Variants in FOXN2 observed in about 807,000 individuals in gnomAD.
The protein encoded by FOXN2 is forkhead box N2.
FOXN2 carries 19 observed loss-of-function variants against 41.2 expected under a neutral mutation model. That is an observed-to-expected ratio of 0.46 (90% CI 0.32 to 0.68). FOXN2 has a LOEUF of 0.68. Ranked by LOEUF, FOXN2 falls within the 30% of genes least tolerant of loss-of-function variation. FOXN2 has a pLI of 0.03. For synonymous variants in FOXN2, 195 were observed against 176.8 expected, an observed-to-expected ratio of 1.10 and a Z score of -0.82; for missense variants, 587 against 509.4, an observed-to-expected ratio of 1.15 and a Z score of -1.47.
intron 2 of FOXN2, among the ~76,000 whole-genome samples, chr2:48,339,559 C>T (rs1219703538): frequency 2.0e-5 from 3 of 152,166 alleles, no homozygotes; most frequent in Non-Finnish European, 4.4e-5. Context: ...TACCCAGTCT[C>T]GGATATGTCC....
chr2:48,359,268 TTATTTAG>T, intron 4 of FOXN2, 121 bp downstream of exon 4: 1 of 715,154 alleles, frequency 1.4e-6, no homozygotes, highest in Admixed American at 3.2e-5. Flanking sequence ...TATTTATGTT[TTATTTAG>T]TTTTTAGTTT....
rs545797179 is a variant in FOXN2, at chr2:48,319,785, ATTTTTTTTTT to A, written c.-157+4988_-157+4997del. On this transcript the variant is annotated intron_variant, in intron 1 of 6. Coordinates refer to ENST00000340553, the MANE Select transcript of FOXN2 (RefSeq NM_002158.4). ...TCCACCACCCCTGGCTAATTTTTTA[ATTTTTTTTTT>A]TTTTTTTTTTTTTTTTGGTAGAGGG... 3.1e-4 allele frequency among the ~76,000 whole-genome samples: 31 copies of A among 98,754 alleles called. No homozygotes were observed. The South Asian group carries it at 3.3e-3, about 10-fold the overall frequency. The allele number at this position is 98,754 out of a possible 152,430, so 64.8% of individuals were successfully genotyped here. A position where few individuals can be genotyped will look rare whatever the true frequency, so the allele number is the denominator to read the frequency against.
intron 5 of FOXN2, among the ~76,000 whole-genome samples, chr2:48,371,707 A>G (rs553210961): frequency 6.6e-6 from 1 of 152,280 alleles, no homozygotes; most frequent in African/African-American, 2.4e-5. Context: ...CATTTTAACA[A>G]TACTAATTTT....
intron 5 of FOXN2, among the ~76,000 whole-genome samples, chr2:48,362,945 T>C (rs947274685): frequency 2.0e-5 from 3 of 152,242 alleles, no homozygotes; most frequent in African/African-American, 4.8e-5. Context: ...CACGTAGTTA[T>C]GTACATATGT....
At chr2:48,322,258 T>C (rs2104102517) in intron 1 of FOXN2, among the ~76,000 whole-genome samples, 1 of 152,288 alleles carries the variant, frequency 6.6e-6, no homozygotes, top group African/African-American at 2.4e-5. Context: ...TAGAGGTAGA[T>C]TTAAATTAAT....
intron 1 of FOXN2, among the ~76,000 whole-genome samples, chr2:48,323,902 A>G (rs1343824445): frequency 6.6e-6 from 1 of 152,076 alleles, no homozygotes; most frequent in Non-Finnish European, 1.5e-5. Flanking sequence ...ATTTTTGTAT[A>G]TGGTGAGAGA....
chr2:48,328,019 A>C (rs1669794713), intron 1 of FOXN2, among the ~76,000 whole-genome samples: 2 of 152,190 alleles, frequency 1.3e-5, no homozygotes, highest in African/African-American at 4.8e-5. Context: ...TCTGATCATG[A>C]ATATACTTTT....
At chr2:48,351,044 C>T (rs983848121) in intron 3 of FOXN2, among the ~76,000 whole-genome samples, 1 of 148,612 alleles carries the variant, frequency 6.7e-6, no homozygotes, top group African/African-American at 2.5e-5. Context: ...CGGCCCACTG[C>T]AACCTCCGAG....
Position 48,346,426 on chromosome 2 carries a change from A to G in FOXN2, c.212A>G (p.Asn71Ser), listed in dbSNP as rs779186160. ...CATGAAAGCACTAATCTTCTAACAA[A>G]CTTCAGCCTCGGAAGTGAGGGTCTT... is the stretch of plus-strand genomic sequence containing the variant. Reference protein sequence around the residue: ...WLHESTNLLTNFSLGSEGLPI... With the variant: ...WLHESTNLLTSFSLGSEGLPI... The change falls in exon 3 of 7, where the codon AAC becomes AGC. Residue 71 changes from asparagine to serine, a missense_variant. Physicochemically the swap from Asn to Ser is conservative, Grantham distance 46. Coordinates refer to ENST00000340553, the MANE Select transcript of FOXN2 (RefSeq NM_002158.4). The G allele has an allele frequency of 1.2e-6, 2 of 1,614,110 alleles. No homozygotes were observed. The highest frequency in any genetic ancestry group is 1.1e-5 in the South Asian group (1 of 91,086).
intron 5 of FOXN2, among the ~76,000 whole-genome samples, chr2:48,368,243 T>C (rs1672654553): frequency 6.8e-6 from 1 of 147,142 alleles, no homozygotes; most frequent in Non-Finnish European, 1.5e-5. Flanking sequence ...ATATGTTAGA[T>C]AATACAGCTA....
chr2:48,330,702 A>G (rs1288110578), intron 2 of FOXN2, among the ~76,000 whole-genome samples: 1 of 152,154 alleles, frequency 6.6e-6, no homozygotes, highest in Non-Finnish European at 1.5e-5. Flanking sequence ...CAAGTCAATA[A>G]CATAAAGTTT....
intron 3 of FOXN2, among the ~76,000 whole-genome samples, chr2:48,357,828 T>G (rs1174251783): frequency 7.1e-6 from 1 of 139,972 alleles, no homozygotes; most frequent in Non-Finnish European, 1.5e-5. Flanking sequence ...TTTCATTTAA[T>G]CCAAAAATAC....
intron 5 of FOXN2, among the ~76,000 whole-genome samples, chr2:48,369,322 G>A (rs980294320): frequency 2.0e-5 from 3 of 152,154 alleles, no homozygotes; most frequent in African/African-American, 7.2e-5. Flanking sequence ...TGGATCATCT[G>A]AGGTCAGGAG....
At chr2:48,326,379 C>T (rs1006659978) in intron 1 of FOXN2, among the ~76,000 whole-genome samples, 5 of 152,122 alleles carry the variant, frequency 3.3e-5, no homozygotes, top group African/African-American at 9.7e-5. Context: ...GTCTTGTATA[C>T]AAGGTTAAGG....
chr2:48,362,033 T>C (rs1216775626), intron 4 of FOXN2, among the ~76,000 whole-genome samples: 1 of 152,202 alleles, frequency 6.6e-6, no homozygotes, highest in Non-Finnish European at 1.5e-5. Context: ...TATTATTATT[T>C]AATTATCACA....
Position 48,331,405 on chromosome 2 carries a change from T to G in FOXN2, c.-15+2703T>G, listed in dbSNP as rs754348884. On this transcript the variant is annotated intron_variant, in intron 2 of 6. Coordinates refer to ENST00000340553, the MANE Select transcript of FOXN2 (RefSeq NM_002158.4). ...AATGTAGCATGAAGAGATTCAATAA[T>G]AAAACTTTAAAAGCACTTTTTAAAG... 3.2e-4 allele frequency among the ~76,000 whole-genome samples: 48 copies of G among 152,360 alleles called. 1 individual carries two copies. Among genetic ancestry groups the G allele is most frequent in the African/African-American group, 1.0e-3 (43 of 41,594 alleles).
At chr2:48,371,406 A>G (rs1297236129) in intron 5 of FOXN2, among the ~76,000 whole-genome samples, 1 of 152,110 alleles carries the variant, frequency 6.6e-6, no homozygotes, top group East Asian at 1.9e-4. Flanking sequence ...AAAAAAAAAA[A>G]TAGTTGGCTG....
Position 48,346,854 on chromosome 2 carries a change from CA to C in FOXN2, c.537+106del, listed in dbSNP as rs763411656. 145 of 896,702 alleles carry C rather than the reference CA, an allele frequency of 1.6e-4. 1 individual carries two copies. The highest frequency in any genetic ancestry group is 1.2e-3 in the African/African-American group (70 of 59,816). 55.5% of individuals were successfully genotyped at this position (896,702 alleles called of 1,614,324 possible). Reference sequence around the variant, plus strand: ...TCGGGGAGACAATAAGTAGTCAAGTCAAATTACTTCAGCTGAACTGAATTAT... The same window carrying C: ...TCGGGGAGACAATAAGTAGTCAAGTCAATTACTTCAGCTGAACTGAATTAT... On this transcript the variant is annotated intron_variant, in intron 3 of 6. Transcript: ENST00000340553.
intron 5 of FOXN2, among the ~76,000 whole-genome samples, chr2:48,372,132 CT>C (rs1235255500): frequency 6.6e-6 from 1 of 152,160 alleles, no homozygotes; most frequent in Non-Finnish European, 1.5e-5. Context: ...ACGCTTTCAG[CT>C]TTTCCCCATT....
Sources: allele counts gnomAD v4.1 joint callset (sites outside exome capture counted in the v4.1 genomes callset), GRCh38; gene constraint gnomAD v4.1.1; transcripts MANE v1.5; gene names NCBI Gene and HGNC (gene_info 2026-07-23, HGNC 2026-07-21).